Variants in BRCA2 observed in about 807,000 individuals in gnomAD.
The protein encoded by BRCA2 is BRCA2 DNA repair associated, also known as breast cancer type 2 susceptibility protein.
A neutral mutation model predicts 276.7 loss-of-function variants in BRCA2; 203 were observed. That is an observed-to-expected ratio of 0.73 (90% CI 0.65 to 0.82). The LOEUF (loss-of-function observed/expected upper bound fraction) is 0.82. Among genes scored for constraint, BRCA2 ranks in the 40% least tolerant of loss-of-function variants. The pLI is 0.00. For synonymous variants in BRCA2, 1,289 were observed against 1,338.4 expected (o/e 0.96, Z 0.81); for missense variants, 3,920 against 3,915.0 (o/e 1.00, Z -0.03).
intron 14 of BRCA2, among the ~76,000 whole-genome samples, chr13:32,355,568 T>C (rs2072687299): frequency 1.3e-5 from 2 of 152,072 alleles, no homozygotes; most frequent in East Asian, 3.9e-4. Flanking sequence ...TTTTAAAATG[T>C]GATAAAAATA....
At position 32,336,617 on chromosome 13, in the gene BRCA2, A is replaced by G. The variant is rs1057520621; in HGVS notation, c.2262A>G (p.Gln754=). Residue 754 remains glutamine (Q), a synonymous_variant, in exon 11 of 27, where the codon CAA becomes CAG. Coordinates refer to ENST00000380152, the MANE Select transcript of BRCA2 (RefSeq NM_000059.4). ...SKVEYSDTDF[Q]SQKSLLYDHE... is the part of the protein sequence containing the mutation. ...TGGAATACAGTGATACTGACTTTCA[A>G]TCCCAGAAAAGTCTTTTATATGATC... The G allele has an allele frequency of 1.2e-6, 2 of 1,614,110 alleles. No homozygotes were observed. Among genetic ancestry groups the G allele is most frequent in the Non-Finnish European group, 1.7e-6 (2 of 1,179,996 alleles).
chr13:32,376,496 T>G (rs954786878), intron 20 of BRCA2, among the ~76,000 whole-genome samples, 174 bp from the exon 21 acceptor site: 2 of 150,346 alleles, frequency 1.3e-5, no homozygotes, highest in Admixed American at 1.3e-4. Flanking sequence ...ACTCCCAGAT[T>G]GGGTGACAGA....
Position 32,334,699 on chromosome 13 carries a change from T to G in BRCA2, c.1909+1312T>G, listed in dbSNP as rs570520122. Among the ~76,000 whole-genome samples the G allele has an allele frequency of 1.2e-4, 18 of 150,518 alleles. No homozygotes were observed. In the East Asian group the frequency reaches 3.5e-3, roughly 29 times the overall value. Reference sequence around the variant, plus strand: ...TGAAAAAAAAAAAAGAAAAAAAAAATTTAAATAGAGGAAATACTAGCTAAG... The same window carrying G: ...TGAAAAAAAAAAAAGAAAAAAAAAAGTTAAATAGAGGAAATACTAGCTAAG... On this transcript the variant is annotated intron_variant, in intron 10 of 26. Transcript: ENST00000380152.
chr13:32,326,176 T>C lies in BRCA2; in HGVS notation c.475+26T>C, dbSNP rs778866949. The stretch of plus-strand genomic sequence containing the variant: ...GTATGATTAAAAACAATGCTTTTTA[T>C]TCTTAGAATACTAGAAATGTTAATA... On this transcript the variant is annotated intron_variant, in intron 5 of 26. Coordinates refer to ENST00000380152, the MANE Select transcript of BRCA2 (RefSeq NM_000059.4). 6.2e-5 allele frequency: 99 copies of C among 1,607,310 alleles called. No homozygotes were observed. Among genetic ancestry groups the C allele is most frequent in the Non-Finnish European group, 8.3e-5 (97 of 1,174,370 alleles).
rs2137495566 is a variant in BRCA2, at chr13:32,337,690, C to T, written c.3335C>T (p.Thr1112Ile). ...ACACCTAGCCAAAAGGCAGAAATTA[C>T]AGAACTTTCTACTATATTAGAAGAA... is the stretch of plus-strand genomic sequence containing the variant. ...NLTPSQKAEI[T>I]ELSTILEESG... Residue 1112 changes from threonine to isoleucine, a missense_variant, in exon 11 of 27, where the codon ACA (threonine) becomes ATA (isoleucine). Physicochemically the swap from Thr to Ile is moderately conservative, Grantham distance 89 (BLOSUM62 -1). Coordinates refer to ENST00000380152, the MANE Select transcript of BRCA2 (RefSeq NM_000059.4). 1 of 1,600,736 alleles carries T rather than the reference C, an allele frequency of 6.2e-7. No individual in the cohort carries two copies. The highest frequency in any genetic ancestry group is 1.1e-5 in the South Asian group (1 of 88,094).
chr13:32,398,352 C>A lies in BRCA2; in HGVS notation c.9839C>A (p.Pro3280His), dbSNP rs80359246. 6.8e-6 allele frequency: 11 copies of A among 1,614,004 alleles called. No individual in the cohort carries two copies. The highest frequency in any genetic ancestry group is 1.1e-5 in the South Asian group (1 of 91,082). Residue 3280 changes from proline to histidine, a missense_variant, in exon 27 of 27, where the codon CCT becomes CAT. By Grantham distance (77) the Pro-to-His change is moderately conservative. Around this residue, in one of 2 missense-constraint regions of BRCA2, gnomAD observed 657 missense variants for 758.2 expected, o/e 0.87. Transcript: ENST00000380152. Reference protein sequence around the residue: ...ALDFLSRLPLPPPVSPICTFV... With the variant: ...ALDFLSRLPLHPPVSPICTFV... ...GATTTCTTGAGTAGACTGCCTTTAC[C>A]TCCACCTGTTAGTCCCATTTGTACA...
intron 18 of BRCA2, 77 bp from the exon 19 acceptor site, chr13:32,370,325 G>A (rs2137595879): frequency 7.0e-7 from 1 of 1,420,738 alleles, no homozygotes; most frequent in Admixed American, 1.7e-5. Context: ...CTAGAAGAAT[G>A]AAAACTCTTA....
chr13:32,320,678 G>A (rs150829056), intron 3 of BRCA2, among the ~76,000 whole-genome samples: 135 of 152,228 alleles, frequency 8.9e-4, no homozygotes, highest in African/African-American at 3.0e-3. Context: ...ATGGCTATAG[G>A]GAGTGCATAT....
At chr13:32,380,873 C>T (rs1014489747) in intron 24 of BRCA2, among the ~76,000 whole-genome samples, 1 of 152,098 alleles carries the variant, frequency 6.6e-6, no homozygotes. Context: ...AATATATGGT[C>T]TTACTAAGTT....
intron 18 of BRCA2, among the ~76,000 whole-genome samples, chr13:32,365,149 T>A (rs9534269): frequency 8.5e-6 from 1 of 117,072 alleles, no homozygotes; most frequent in African/African-American, 3.3e-5. Flanking sequence ...AGACAACGTC[T>A]CACTGTGTTA....
intron 10 of BRCA2, among the ~76,000 whole-genome samples, chr13:32,335,575 A>T (rs889785174): frequency 3.9e-5 from 6 of 152,118 alleles, no homozygotes; most frequent in Non-Finnish European, 8.8e-5. Flanking sequence ...TTACTTTTCT[A>T]ATTCCTTTTC....
rs759806261 is a variant in BRCA2, at chr13:32,394,664, T to C, written c.9257-25T>C. ...TTCATCTAACACATCTATAATAACA[T>C]TCTTTTCTTTTTTTTCCATTCTAGG... On this transcript the variant is annotated intron_variant, in intron 24 of 26. Coordinates refer to ENST00000380152, the MANE Select transcript of BRCA2 (RefSeq NM_000059.4). 1.6e-5 allele frequency: 26 copies of C among 1,606,174 alleles called. No individual in the cohort carries two copies. The African/African-American group carries it at 2.5e-4, about 16-fold the overall frequency.
rs765756715 is a variant in BRCA2, at chr13:32,332,368, A to G, written c.890A>G (p.Glu297Gly). ...AATGTCCTAGAAGATGAAGTATATG[A>G]AACAGTTGTAGATACCTCTGAAGAA... ...MPNVLEDEVYETVVDTSEEDS... is the reference protein window; with the variant it reads ...MPNVLEDEVYGTVVDTSEEDS... The change falls in exon 10 of 27, where the codon GAA (glutamate) becomes GGA (glycine). Residue 297 changes from glutamate to glycine, a missense_variant. This residue lies in a region of BRCA2 where 3,263 missense variants were observed against 3,156.9 expected (regional missense o/e 1.03). Coordinates refer to ENST00000380152, the MANE Select transcript of BRCA2 (RefSeq NM_000059.4). 1.3e-6 allele frequency: 2 copies of G among 1,596,668 alleles called. No homozygotes were observed. Among genetic ancestry groups the G allele is most frequent in the South Asian group, 2.3e-5 (2 of 87,614 alleles).
At position 32,344,550 on chromosome 13, in the gene BRCA2, C is replaced by G. The variant is rs1054343954; in HGVS notation, c.6842-8C>G. On this transcript the variant is annotated splice_region_variant and splice_polypyrimidine_tract_variant and intron_variant, in intron 11 of 26. Transcript: ENST00000380152. ...CCTTAAAAACATATATGAAATATTT[C>G]TTTTTAGGAGAACCCTCAATCAAAA... 1 of 1,486,690 alleles carries G rather than the reference C, an allele frequency of 6.7e-7. No homozygotes were observed. Among genetic ancestry groups the G allele is most frequent in the Non-Finnish European group, 9.3e-7 (1 of 1,069,680 alleles). The allele number at this position is 1,486,690 out of a possible 1,614,324, so 92.1% of individuals were successfully genotyped here.
At chr13:32,321,509 T>A (rs1265416145) in intron 3 of BRCA2, among the ~76,000 whole-genome samples, 1 of 152,304 alleles carries the variant, frequency 6.6e-6, no homozygotes, top group East Asian at 1.9e-4. Context: ...AATGGTTAAT[T>A]CTTTAATCAT....
At chr13:32,379,690 A>G in intron 22 of BRCA2, 60 bp from the exon 23 acceptor site, 2 of 1,570,290 alleles carry the variant, frequency 1.3e-6, no homozygotes, top group African/African-American at 1.4e-5. Context: ...TTATTTTGAA[A>G]CAAACATTTA....
In BRCA2 at chr13:32,367,159, G is replaced by T. The variant is rs116116976; in HGVS notation, c.8332-3243G>T. Among the ~76,000 whole-genome samples the T allele has an allele frequency of 7.1e-3, 1,077 of 152,258 alleles. 13 individuals carry two copies. Among genetic ancestry groups the T allele is most frequent in the African/African-American group, 0.025 (1,024 of 41,558 alleles). The stretch of plus-strand genomic sequence containing the variant: ...ATCAGAAAGGATAATAACAGGCTGG[G>T]CACACTGGCCCACACCTGTAATCCC... On this transcript the variant is annotated intron_variant, in intron 18 of 26. Coordinates refer to ENST00000380152, the MANE Select transcript of BRCA2 (RefSeq NM_000059.4).
In BRCA2 at chr13:32,399,799, T is replaced by G. The variant is rs2073069431; in HGVS notation, c.*1029T>G. 6.5e-6 allele frequency: 1 copy of G among 154,198 alleles called. No homozygotes were observed. Among genetic ancestry groups the G allele is most frequent in the African/African-American group, 2.4e-5 (1 of 41,438 alleles). 9.6% of individuals were successfully genotyped at this position (154,198 alleles called of 1,614,324 possible). A position where few individuals can be genotyped will look rare whatever the true frequency, so the allele number is the denominator to read the frequency against. On this transcript the variant is annotated 3_prime_UTR_variant, in exon 27 of 27. Transcript: ENST00000380152. ...ATTTGTTACGTCCTTTTTTTTTTTT[T>G]TTGGAGATGGAGTCTTGCTTTGTCG...
chr13:32,376,933 A>T, intron 21 of BRCA2, 142 bp downstream of exon 21: 1 of 1,233,988 alleles, frequency 8.1e-7, no homozygotes, highest in Non-Finnish European at 1.2e-6. Context: ...TGGGATTTTC[A>T]GTGATGTGCC....
Sources: gnomAD v4.1 joint callset for allele counts (sites outside exome capture counted in the v4.1 genomes callset) on GRCh38, gnomAD v4.1.1 for gene constraint, gnomAD v4.1.1 regional missense constraint, MANE v1.5 for transcripts, NCBI Gene and HGNC (gene_info 2026-07-23, HGNC 2026-07-21) for gene names.